Variants in FGL1 observed in about 807,000 individuals in gnomAD.
The protein encoded by FGL1 is fibrinogen like 1.
A neutral mutation model predicts 43.7 loss-of-function variants in FGL1; 59 were observed. That is an observed-to-expected ratio of 1.35 (90% CI 1.10 to 1.68). FGL1 has a LOEUF of 1.68. Among genes scored for constraint, FGL1 ranks in the 40% most tolerant of loss-of-function variants. FGL1 has a pLI of 0.00. For synonymous variants in FGL1, 192 were observed against 126.5 expected (o/e 1.52, Z -3.48); for missense variants, 596 against 373.0 (o/e 1.60, Z -4.92).
At chr8:17,872,833 A>C (rs2053384956) in intron 5 of FGL1, among the ~76,000 whole-genome samples, 1 of 152,230 alleles carries the variant, frequency 6.6e-6, no homozygotes, top group Non-Finnish European at 1.5e-5. Context: ...TAAAGATAAG[A>C]ATTTAAAAGT....
At chr8:17,866,068 G>T (rs2053265450) in intron 7 of FGL1, among the ~76,000 whole-genome samples, 1 of 152,092 alleles carries the variant, frequency 6.6e-6, no homozygotes, top group South Asian at 2.1e-4. Context: ...TATATATTTT[G>T]GCATATATTT....
Position 17,882,096 on chromosome 8 carries a change from G to A in FGL1, c.147C>T (p.Val49=). The stretch of plus-strand genomic sequence containing the variant: ...TCTCCTGCAAAAGCTGCTTGATCTT[G>A]ACCTGTTGCTGTTTGACCCGGGTCT... ...LLETRVKQQQ[V]KIKQLLQENE... The change falls in exon 3 of 8, where the codon GTC becomes GTT. Residue 49 remains valine (V), a synonymous_variant. Coordinates refer to ENST00000427924, the MANE Select transcript of FGL1 (RefSeq NM_004467.4). 6.2e-7 allele frequency: 1 copy of A among 1,614,010 alleles called. No homozygotes were observed. The highest frequency in any genetic ancestry group is 1.1e-5 in the South Asian group (1 of 91,062).
chr8:17,868,772 C>T (rs368637482), intron 6 of FGL1, 37 bp from the exon 7 acceptor site: 1 of 1,547,648 alleles, frequency 6.5e-7, no homozygotes, highest in Non-Finnish European at 8.7e-7. Context: ...CAGTGGAGTT[C>T]CTCTATGACC....
At chr8:17,869,408 A>C (rs2053322959) in intron 5 of FGL1, among the ~76,000 whole-genome samples, 1 of 152,214 alleles carries the variant, frequency 6.6e-6, no homozygotes, top group Non-Finnish European at 1.5e-5. Context: ...AATGGTGGCT[A>C]TTAATGACAT....
In FGL1 at chr8:17,881,948, A is replaced by G. The variant is rs7000356; in HGVS notation, c.244+51T>C. 3.0e-3 allele frequency: 4,510 copies of G among 1,489,670 alleles called. 115 individuals are homozygous for G. The African/African-American group carries it at 0.054, about 18-fold the overall frequency. 92.3% of individuals were successfully genotyped at this position (1,489,670 alleles called of 1,614,324 possible). On this transcript the variant is annotated intron_variant, in intron 3 of 7. Transcript: ENST00000427924. ...GAAATAACTAGCACCATCACTGTAC[A>G]TGGGTGCATAATGTAAGTTATAGAA...
At chr8:17,884,091 C>T (rs112625868) in intron 2 of FGL1, among the ~76,000 whole-genome samples, 31 of 120,474 alleles carry the variant, frequency 2.6e-4, no homozygotes, top group African/African-American at 9.6e-4. Context: ...TTCCCTCCCT[C>T]CCTCCCTTCC....
intron 7 of FGL1, among the ~76,000 whole-genome samples, chr8:17,867,281 T>A (rs990307641): frequency 1.2e-4 from 19 of 152,126 alleles, no homozygotes; most frequent in Admixed American, 2.6e-4. Flanking sequence ...AAATAAAATT[T>A]ACCAAACTGA....
At chr8:17,870,728 A>G (rs2053345413) in intron 5 of FGL1, among the ~76,000 whole-genome samples, 1 of 152,148 alleles carries the variant, frequency 6.6e-6, no homozygotes, top group Non-Finnish European at 1.5e-5. Context: ...CAACATGGTG[A>G]AACCCTGTCT....
chr8:17,876,863 C>T (rs973719301), intron 3 of FGL1, among the ~76,000 whole-genome samples: 2 of 152,142 alleles, frequency 1.3e-5, no homozygotes, highest in Admixed American at 1.3e-4. Context: ...ATGCTAACTG[C>T]GAGTTTGTTA....
intron 2 of FGL1, chr8:17,882,414 T>G (rs35423846): frequency 2.6e-6 from 1 of 381,940 alleles, no homozygotes; most frequent in Non-Finnish European, 4.7e-6. Flanking sequence ...ATAAAATAAT[T>G]GGAATCGCTA....
chr8:17,877,015 A>C (rs908921459), intron 3 of FGL1, among the ~76,000 whole-genome samples: 4 of 152,238 alleles, frequency 2.6e-5, no homozygotes, highest in Admixed American at 2.6e-4. Flanking sequence ...AAAGCAAAAA[A>C]GCACCAGTAG....
At chr8:17,876,706 T>C (rs1226944821) in intron 3 of FGL1, among the ~76,000 whole-genome samples, 1 of 152,152 alleles carries the variant, frequency 6.6e-6, no homozygotes, top group African/African-American at 2.4e-5. Context: ...TACATTAAAT[T>C]TCCTACCAAA....
Position 17,889,976 on chromosome 8 carries a change from G to C in FGL1, c.-17-4405C>G, listed in dbSNP as rs569536397. ...AGAGAGAACAAATTGGCAAGAACCT[G>C]TTTTTATATCAATGCTGCCTCCCAT... On this transcript the variant is annotated intron_variant, in intron 1 of 7. Transcript: ENST00000427924. Among the ~76,000 whole-genome samples, 85 of 152,318 alleles carry C rather than the reference G, an allele frequency of 5.6e-4. 1 individual carries two copies. The highest frequency in any genetic ancestry group is 1.9e-3 in the African/African-American group (79 of 41,574).
intron 2 of FGL1, among the ~76,000 whole-genome samples, chr8:17,882,856 C>T (rs1295853804): frequency 1.2e-4 from 11 of 92,176 alleles, no homozygotes; most frequent in African/African-American, 5.0e-4. Context: ...TAATATATAT[C>T]ATATATAATA....
At chr8:17,879,573 C>T (rs536105990) in intron 3 of FGL1, among the ~76,000 whole-genome samples, 5 of 151,964 alleles carry the variant, frequency 3.3e-5, no homozygotes, top group Non-Finnish European at 5.9e-5. Flanking sequence ...GAAACAGTGT[C>T]GCACCTCCTC....
intron 1 of FGL1, chr8:17,891,592 G>C (rs974501344): frequency 3.0e-6 from 2 of 667,332 alleles, no homozygotes; most frequent in African/African-American, 2.0e-5. Flanking sequence ...ATAAAAGTTA[G>C]GAATGTACAT....
chr8:17,881,633 A>G (rs2131725518), intron 3 of FGL1, among the ~76,000 whole-genome samples: 1 of 151,282 alleles, frequency 6.6e-6, no homozygotes, highest in East Asian at 2.0e-4. Context: ...GGTGATCGAG[A>G]CCATCCTGGC....
In FGL1 at chr8:17,868,635, C is replaced by T. The variant is rs2053307639; in HGVS notation, c.692G>A (p.Arg231Lys). 6.2e-7 allele frequency: 1 copy of T among 1,614,120 alleles called. No individual in the cohort carries two copies. The highest frequency in any genetic ancestry group is 2.2e-5 in the East Asian group (1 of 44,874). ...TCTGTCCCACGTGCTGAATTTCATTCTTTGGTGACTAGCCCACCACTGCAC... is the reference window on the plus strand; with the variant it reads ...TCTGTCCCACGTGCTGAATTTCATTTTTTGGTGACTAGCCCACCACTGCAC... ...PEVQWWASHQ[R>K]MKFSTWDRDH... The change falls in exon 7 of 8, where the codon AGA becomes AAA. Residue 231 changes from arginine (R) to lysine (K), a missense_variant. Physicochemically the swap from Arg to Lys is conservative, Grantham distance 26 (BLOSUM62 2). Transcript: ENST00000427924.
At chr8:17,892,821 GA>G (rs1442135954) in intron 1 of FGL1, among the ~76,000 whole-genome samples, 2 of 152,156 alleles carry the variant, frequency 1.3e-5, no homozygotes, top group African/African-American at 2.4e-5. Context: ...GTTATTTGTT[GA>G]AAAATTTTTT....
Sources: gnomAD v4.1 joint callset for allele counts (sites outside exome capture counted in the v4.1 genomes callset) on GRCh38, gnomAD v4.1.1 for gene constraint, MANE v1.5 for transcripts, NCBI Gene and HGNC (gene_info 2026-07-23, HGNC 2026-07-21) for gene names.